The following FAM114A1 variants were observed in gnomAD, a reference collection of about 807,000 sequenced individuals.
FAM114A1 encodes protein NOXP20.
Under a neutral mutation model 64.3 loss-of-function variants are expected in FAM114A1, and 62 were observed. The ratio of observed to expected loss-of-function variants is 0.96; its 90% CI spans 0.79 to 1.19. FAM114A1 has a LOEUF of 1.19. Among genes scored for constraint, FAM114A1 ranks in the 50% most tolerant of loss-of-function variants. FAM114A1 has a pLI of 0.00. For synonymous variants in FAM114A1, 254 were observed against 251.1 expected, an observed-to-expected ratio of 1.01 and a Z score of -0.11; for missense variants, 645 against 676.3, an observed-to-expected ratio of 0.95 and a Z score of 0.51.
At chr4:38,927,928 C>T (rs1435261515) in intron 9 of FAM114A1, among the ~76,000 whole-genome samples, 1 of 152,176 alleles carries the variant, frequency 6.6e-6, no homozygotes, top group Non-Finnish European at 1.5e-5. Context: ...ATGATCCACC[C>T]ATCTCGGCCT....
chr4:38,903,588 A>G (rs1717710936), intron 4 of FAM114A1, among the ~76,000 whole-genome samples: 1 of 152,180 alleles, frequency 6.6e-6, no homozygotes, highest in South Asian at 2.1e-4. Flanking sequence ...ATGGCAGGGA[A>G]GTTGGACTCA....
At chr4:38,927,212 C>T (rs1486467823) in intron 9 of FAM114A1, among the ~76,000 whole-genome samples, 1 of 152,202 alleles carries the variant, frequency 6.6e-6, no homozygotes, top group Non-Finnish European at 1.5e-5. Flanking sequence ...AGTTAGCTTC[C>T]CTCCTGTCTT....
intron 4 of FAM114A1, among the ~76,000 whole-genome samples, chr4:38,895,843 A>G (rs563725908): frequency 7.9e-5 from 12 of 152,334 alleles, no homozygotes; most frequent in African/African-American, 4.8e-5. Context: ...AATAATAAGT[A>G]TTTGTGTATT....
chr4:38,922,319 C>T (rs945387241), intron 8 of FAM114A1, among the ~76,000 whole-genome samples: 29 of 152,278 alleles, frequency 1.9e-4, no homozygotes, highest in African/African-American at 6.3e-4. Flanking sequence ...TCAAAACAAC[C>T]TTATAAGGAG....
chr4:38,927,119 G>A (rs1720188052), intron 9 of FAM114A1, among the ~76,000 whole-genome samples: 1 of 152,128 alleles, frequency 6.6e-6, no homozygotes, highest in Non-Finnish European at 1.5e-5. Flanking sequence ...CTACACTGCA[G>A]CTGGAAGGCT....
At chr4:38,930,639 T>G (rs187182914) in intron 10 of FAM114A1, among the ~76,000 whole-genome samples, 1 of 152,354 alleles carries the variant, frequency 6.6e-6, no homozygotes, top group Admixed American at 6.5e-5. Context: ...CACTCTGATA[T>G]TTTTAACTTT....
chr4:38,917,185 T>TAAATAAATAAATAAATAAAA (rs952530167), intron 8 of FAM114A1, among the ~76,000 whole-genome samples: 18 of 148,904 alleles, frequency 1.2e-4, no homozygotes, highest in African/African-American at 4.3e-4. Flanking sequence ...AATAAATAAA[T>TAAATAAATAAATAAATAAAA]AAAAAAGCTG....
chr4:38,913,649 C>T (rs1479800311), intron 7 of FAM114A1, among the ~76,000 whole-genome samples: 1 of 152,024 alleles, frequency 6.6e-6, no homozygotes, highest in African/African-American at 2.4e-5. Flanking sequence ...CTCAGCCTCC[C>T]GAAGTACTAG....
At chr4:38,905,965 T>C in intron 6 of FAM114A1, 104 bp downstream of exon 6, 1 of 972,200 alleles carries the variant, frequency 1.0e-6, no homozygotes, top group Non-Finnish European at 1.5e-6. Flanking sequence ...ACGATGGCCT[T>C]GCTCAGAACT....
At chr4:38,905,445 C>A in intron 4 of FAM114A1, 77 bp from the exon 5 acceptor site, 2 of 1,046,560 alleles carry the variant, frequency 1.9e-6, no homozygotes, top group Non-Finnish European at 2.9e-6. Flanking sequence ...CTTGAAACAG[C>A]TTTGTAAGAT....
intron 7 of FAM114A1, among the ~76,000 whole-genome samples, chr4:38,909,363 T>A (rs1018830540): frequency 1.3e-5 from 2 of 152,232 alleles, no homozygotes; most frequent in Admixed American, 1.3e-4. Flanking sequence ...TGTGTCGGTA[T>A]AATAGGTGGA....
intron 12 of FAM114A1, among the ~76,000 whole-genome samples, chr4:38,935,353 TTA>T (rs1358957139): frequency 6.6e-6 from 1 of 152,206 alleles, no homozygotes; most frequent in African/African-American, 2.4e-5. Flanking sequence ...ATGCTCATGA[TTA>T]TTTTGAAATG....
At chr4:38,918,699 C>T (rs1719305700) in intron 8 of FAM114A1, among the ~76,000 whole-genome samples, 1 of 152,170 alleles carries the variant, frequency 6.6e-6, no homozygotes, top group Non-Finnish European at 1.5e-5. Flanking sequence ...TGGCTCACAC[C>T]TGTAATCCCA....
intron 8 of FAM114A1, among the ~76,000 whole-genome samples, chr4:38,918,681 AG>A (rs1394425611): frequency 6.6e-6 from 1 of 152,204 alleles, no homozygotes; most frequent in East Asian, 1.9e-4. Context: ...TTTTGGGGCC[AG>A]GCACGGTGGC....
Position 38,930,653 on chromosome 4 carries a change from G to A in FAM114A1, c.1162-798G>A, listed in dbSNP as rs996521557. On this transcript the variant is annotated intron_variant, in intron 10 of 14. Transcript: ENST00000358869. ...ACACTCTGATATTTTTAACTTTGGC[G>A]TGTAAGATTTAACGTGGGAAGTAAG... Among the ~76,000 whole-genome samples, 7 of 152,154 alleles carry A rather than the reference G, an allele frequency of 4.6e-5. No homozygotes were observed. In the East Asian group the frequency reaches 5.8e-4, roughly 13 times the overall value.
In FAM114A1 at chr4:38,909,016, G is replaced by A. The variant is rs369675162; in HGVS notation, c.792+290G>A. Among the ~76,000 whole-genome samples the A allele has an allele frequency of 1.6e-4, 25 of 152,332 alleles. No individual in the cohort carries two copies. The East Asian group carries it at 4.8e-3, about 29-fold the overall frequency. On this transcript the variant is annotated intron_variant, in intron 7 of 14. Coordinates refer to ENST00000358869, the MANE Select transcript of FAM114A1 (RefSeq NM_138389.4). ...AATATACAGATGTAAAAGTACATATGTATGCATGTGGATAGACATGCACAT... is the reference window on the plus strand; with the variant it reads ...AATATACAGATGTAAAAGTACATATATATGCATGTGGATAGACATGCACAT...
At chr4:38,935,971 G>C (rs1721050192) in intron 13 of FAM114A1, among the ~76,000 whole-genome samples, 181 bp downstream of exon 13, 1 of 152,156 alleles carries the variant, frequency 6.6e-6, no homozygotes, top group Non-Finnish European at 1.5e-5. Flanking sequence ...CTCCTGACTG[G>C]GTTCTAGCCT....
At chr4:38,920,835 C>T (rs1374912449) in intron 8 of FAM114A1, among the ~76,000 whole-genome samples, 6 of 152,216 alleles carry the variant, frequency 3.9e-5, no homozygotes, top group Admixed American at 6.5e-5. Context: ...CAGGGCAGAA[C>T]GGAGTGGCGT....
At chr4:38,890,064 T>C (rs188351085) in intron 3 of FAM114A1, among the ~76,000 whole-genome samples, 248 of 152,232 alleles carry the variant, frequency 1.6e-3, no homozygotes, top group African/African-American at 5.7e-3. Context: ...ATATATCTCA[T>C]TGGTTGAAAA....
Sources: allele counts gnomAD v4.1 joint callset (sites outside exome capture counted in the v4.1 genomes callset), GRCh38; gene constraint gnomAD v4.1.1; transcripts MANE v1.5; gene names NCBI Gene and HGNC (gene_info 2026-07-23, HGNC 2026-07-21).